NECTIN3: variants seen among roughly 807,000 people sequenced by gnomAD.
The protein encoded by NECTIN3 is nectin-3.
NECTIN3 carries 8 observed loss-of-function variants against 49.4 expected under a neutral mutation model. That is an observed-to-expected ratio of 0.16 (90% CI 0.10 to 0.29). The LOEUF is 0.29. NECTIN3 is among the 10% of genes least tolerant of loss of function. The pLI, the probability that NECTIN3 is intolerant of heterozygous loss-of-function variation, is 1.00. For missense variants in NECTIN3, 581 were observed against 654.6 expected (o/e 0.89, Z 1.23); for synonymous variants, 277 against 241.1 (o/e 1.15, Z -1.38).
intron 7 of NECTIN3, among the ~76,000 whole-genome samples, chr3:111,163,728 T>C (rs1040374607): frequency 6.6e-6 from 1 of 152,176 alleles, no homozygotes; most frequent in East Asian, 1.9e-4. Flanking sequence ...AGGAAGGCTA[T>C]GAGAGGGAAG....
chr3:111,130,880 A>G (rs1483232534), intron 5 of NECTIN3, among the ~76,000 whole-genome samples: 3 of 152,210 alleles, frequency 2.0e-5, no homozygotes, highest in Non-Finnish European at 4.4e-5. Flanking sequence ...TCCCTTAACT[A>G]ATACCTGTTT....
At chr3:111,149,459 ATGTGTGTGTGTGTGTGTGTGTGTGTGTG>A (rs56219611) in intron 7 of NECTIN3, among the ~76,000 whole-genome samples, 1 of 128,324 alleles carries the variant, frequency 7.8e-6, no homozygotes, top group Admixed American at 8.1e-5. Context: ...TTCTGGTAGG[ATGTGTGTGTGTGTGTGTGTGTGTGTGTG>A]TGTGTGTGTG....
intron 5 of NECTIN3, among the ~76,000 whole-genome samples, chr3:111,131,682 A>T (rs1254909601): frequency 1.3e-5 from 2 of 151,922 alleles, no homozygotes; most frequent in Non-Finnish European, 2.9e-5. Context: ...TGGACAATAG[A>T]TGACCATTTG....
At chr3:111,086,474 C>A (rs906943801) in intron 1 of NECTIN3, among the ~76,000 whole-genome samples, 2 of 152,106 alleles carry the variant, frequency 1.3e-5, no homozygotes, top group Non-Finnish European at 2.9e-5. Context: ...ATTTTTTCCT[C>A]CATTTACTAT....
chr3:111,081,296 G>T (rs1378027818), intron 1 of NECTIN3, among the ~76,000 whole-genome samples: 1 of 151,842 alleles, frequency 6.6e-6, no homozygotes, highest in East Asian at 2.0e-4. Context: ...AAAAACAAAA[G>T]ACAAAACAAA....
intron 1 of NECTIN3, among the ~76,000 whole-genome samples, chr3:111,083,046 G>C (rs113740739): frequency 6.6e-6 from 1 of 152,078 alleles, no homozygotes; most frequent in Non-Finnish European, 1.5e-5. Context: ...TTGTAAATAC[G>C]GATGAGAGAT....
intron 4 of NECTIN3, 45 bp downstream of exon 4, chr3:111,122,283 C>T: frequency 7.3e-7 from 1 of 1,375,174 alleles, no homozygotes; most frequent in Non-Finnish European, 1.0e-6. Flanking sequence ...AAAGTGAAAC[C>T]TTCTTAAATC....
intron 7 of NECTIN3, among the ~76,000 whole-genome samples, chr3:111,148,673 G>A (rs1015035580): frequency 6.6e-6 from 1 of 151,942 alleles, no homozygotes; most frequent in Non-Finnish European, 1.5e-5. Context: ...TTTCATGATC[G>A]ATTGGTTATA....
chr3:111,136,629 A>G lies in NECTIN3; in HGVS notation c.*2414A>G, dbSNP rs973431766. On this transcript the variant is annotated 3_prime_UTR_variant, in exon 6 of 6. Coordinates refer to ENST00000485303, the MANE Select transcript of NECTIN3 (RefSeq NM_015480.3). ...TTAAATTAGTTTTTGAATACCAGTG[A>G]TATTCATAACTACTTGACAGGTATA... 2.2e-6 allele frequency: 2 copies of G among 908,100 alleles called. No individual in the cohort carries two copies. Among genetic ancestry groups the G allele is most frequent in the Non-Finnish European group, 1.3e-6 (1 of 760,016 alleles). 56.3% of individuals were successfully genotyped at this position (908,100 alleles called of 1,614,324 possible).
Position 111,072,191 on chromosome 3 carries a change from G to C in NECTIN3, c.160+14G>C, listed in dbSNP as rs772148057. ...CCAGGCTCTGTGGTAGGTGAACCTCGGCGGCCGGCGTGGGCTGAGGGAGCC... is the reference window on the plus strand; with the variant it reads ...CCAGGCTCTGTGGTAGGTGAACCTCCGCGGCCGGCGTGGGCTGAGGGAGCC... On this transcript the variant is annotated intron_variant, in intron 1 of 5. Coordinates refer to ENST00000485303, the MANE Select transcript of NECTIN3 (RefSeq NM_015480.3). 1.2e-5 allele frequency: 19 copies of C among 1,540,918 alleles called. No homozygotes were observed. Among genetic ancestry groups the C allele is most frequent in the African/African-American group, 2.8e-5 (2 of 72,010 alleles).
At chr3:111,112,005 TGTA>T (rs774642390) in intron 1 of NECTIN3, 22 bp from the exon 2 acceptor site, 3 of 1,532,146 alleles carry the variant, frequency 2.0e-6, no homozygotes, top group South Asian at 1.2e-5. Context: ...TTTTAAAAAT[TGTA>T]GTACTTTTTT....
At chr3:111,119,857 A>T (rs973823411) in intron 3 of NECTIN3, among the ~76,000 whole-genome samples, 3 of 152,066 alleles carry the variant, frequency 2.0e-5, no homozygotes, top group East Asian at 1.9e-4. Flanking sequence ...TTTTTGAGGG[A>T]GTTCTATTCT....
At position 111,133,762 on chromosome 3, in the gene NECTIN3, T is replaced by C. The variant is rs1265971340; in HGVS notation, c.1197T>C (p.Asp399=). The C allele has an allele frequency of 8.1e-6, 13 of 1,613,976 alleles. No individual in the cohort carries two copies. Among genetic ancestry groups the C allele is most frequent in the Non-Finnish European group, 1.0e-5 (12 of 1,179,876 alleles). Residue 399 remains aspartate (D), a synonymous_variant, in exon 6 of 6, where the codon GAT becomes GAC. Transcript: ENST00000485303. ...FPLSTLATIK[D]DTIATIIASV... is the part of the protein sequence containing the mutation. ...TGTCAACTTTGGCAACAATTAAGGA[T>C]GACACAATTGCCACGATCATTGCTA...
chr3:111,112,376 G>A lies in NECTIN3; in HGVS notation c.502+5G>A. On this transcript the variant is annotated splice_donor_5th_base_variant and intron_variant, in intron 2 of 5. Coordinates refer to ENST00000485303, the MANE Select transcript of NECTIN3 (RefSeq NM_015480.3). ...CTACAACTGTAACTGTGTTAGGTAG[G>A]TATGCTTGAATTATGTATTTTGGTG... 1 of 1,510,002 alleles carries A rather than the reference G, an allele frequency of 6.6e-7. No individual in the cohort carries two copies. The allele number at this position is 1,510,002 out of a possible 1,614,324, so 93.5% of individuals were successfully genotyped here. A position where few individuals can be genotyped will look rare whatever the true frequency, so the allele number is the denominator to read the frequency against.
chr3:111,133,962 A>G lies in NECTIN3; in HGVS notation c.1397A>G (p.Tyr466Cys). 1 of 1,613,694 alleles carries G rather than the reference A, an allele frequency of 6.2e-7. No homozygotes were observed. Among genetic ancestry groups the G allele is most frequent in the Non-Finnish European group, 8.5e-7 (1 of 1,179,822 alleles). The change falls in exon 6 of 6, where the codon TAC becomes TGC. Residue 466 changes from tyrosine (Y) to cysteine (C), a missense_variant. Tyr to Cys is a radical substitution (Grantham distance 194). Transcript: ENST00000485303. ...DVLQQDELDS[Y>C]PDSVKKENKN... ...CTTCAACAAGATGAGCTTGATTCTT[A>G]CCCAGACAGTGTAAAAAAAGAAAAC...
intron 7 of NECTIN3, among the ~76,000 whole-genome samples, chr3:111,180,643 A>G (rs1037464095): frequency 6.6e-6 from 1 of 152,186 alleles, no homozygotes; most frequent in African/African-American, 2.4e-5. Flanking sequence ...GCCTTGAAGA[A>G]TCCATATTTT....
chr3:111,078,770 C>T (rs1306522243), intron 1 of NECTIN3, among the ~76,000 whole-genome samples: 1 of 152,116 alleles, frequency 6.6e-6, no homozygotes, highest in African/African-American at 2.4e-5. Context: ...AGTTCTATTT[C>T]CCATTGCCTC....
intron 7 of NECTIN3, among the ~76,000 whole-genome samples, chr3:111,159,092 C>T (rs2035156765): frequency 6.6e-6 from 1 of 152,138 alleles, no homozygotes; most frequent in South Asian, 2.1e-4. Flanking sequence ...ATTGATATTA[C>T]AATTAATAGC....
intron 5 of NECTIN3, among the ~76,000 whole-genome samples, chr3:111,132,825 A>C (rs189547553): frequency 2.4e-3 from 362 of 152,036 alleles, no homozygotes; most frequent in African/African-American, 8.3e-3. Context: ...AAATTTCTGA[A>C]TGTTTAGATA....
Sources: allele counts gnomAD v4.1 joint callset (sites outside exome capture counted in the v4.1 genomes callset), GRCh38; gene constraint gnomAD v4.1.1; transcripts MANE v1.5; gene names NCBI Gene and HGNC (gene_info 2026-07-23, HGNC 2026-07-21).